NID2: variants seen among roughly 807,000 people sequenced by gnomAD.
NID2 encodes nidogen 2.
A neutral mutation model predicts 145.4 loss-of-function variants in NID2; 83 were observed. That is an observed-to-expected ratio of 0.57 (90% CI 0.48 to 0.69). The LOEUF is 0.69. Ranked by LOEUF, NID2 falls within the 30% of genes least tolerant of loss-of-function variation. NID2 has a pLI of 0.00. For missense variants in NID2, 1,807 were observed against 1,765.7 expected, an observed-to-expected ratio of 1.02 and a Z score of -0.42; for synonymous variants, 739 against 701.3, an observed-to-expected ratio of 1.05 and a Z score of -0.85.
intron 21 of NID2, 117 bp from the exon 22 acceptor site, chr14:52,005,613 T>C: frequency 6.9e-7 from 1 of 1,441,034 alleles, no homozygotes; most frequent in Admixed American, 1.7e-5. Flanking sequence ...TAGTAAAGAC[T>C]GGCCCTCAGG....
rs199521834 is a variant in NID2 at position 52,044,808 on chromosome 14, G to C, written c.1430-1877C>G. Reference sequence around the variant, plus strand: ...TTTTGGTAGGGTGGGTTGGGGGGAGGGGTCTCCCTGCGTTGCCCAGGTTGG... The same window carrying C: ...TTTTGGTAGGGTGGGTTGGGGGGAGCGGTCTCCCTGCGTTGCCCAGGTTGG... On this transcript the variant is annotated intron_variant, in intron 5 of 21. Coordinates refer to ENST00000216286, the MANE Select transcript of NID2 (RefSeq NM_007361.4). Among the ~76,000 whole-genome samples the C allele has an allele frequency of 1.6e-4, 24 of 151,876 alleles. No individual in the cohort carries two copies. In the East Asian group the frequency reaches 4.3e-3, roughly 27 times the overall value.
At chr14:52,067,089 C>T (rs141677740) in intron 2 of NID2, among the ~76,000 whole-genome samples, 3 of 152,272 alleles carry the variant, frequency 2.0e-5, no homozygotes, top group Admixed American at 2.0e-4. Context: ...AATTGCACTT[C>T]CTGGAATGTC....
chr14:52,043,592 C>T (rs1892366162), intron 5 of NID2, among the ~76,000 whole-genome samples: 2 of 152,174 alleles, frequency 1.3e-5, no homozygotes, highest in South Asian at 4.1e-4. Context: ...CACGCAGTAG[C>T]AGACAGCTTG....
intron 8 of NID2, among the ~76,000 whole-genome samples, chr14:52,040,212 A>G (rs1892227385): frequency 6.6e-6 from 1 of 150,726 alleles, no homozygotes; most frequent in African/African-American, 2.4e-5. Flanking sequence ...AAGTGGTGGG[A>G]TTACAGGCAT....
rs768282300 is a variant in NID2, at chr14:52,019,131, A to G, written c.2958T>C (p.Pro986=). 3 of 1,613,998 alleles carry G rather than the reference A, an allele frequency of 1.9e-6. No individual in the cohort carries two copies. In the African/African-American group the frequency reaches 4.0e-5, roughly 22 times the overall value. ...GGGTACCAGGAACTTCATGACCATC[A>G]GGGTCCACGCACCAGCAGAAACCAG... The part of the protein sequence containing the change: ...GSTGFCWCVD[P]DGHEVPGTQT... Residue 986 remains proline, a synonymous_variant, in exon 14 of 22, where the codon CCT becomes CCC. Coordinates refer to ENST00000216286, the MANE Select transcript of NID2 (RefSeq NM_007361.4).
At chr14:52,020,409 A>G in intron 12 of NID2, 1 of 513,264 alleles carries the variant, frequency 1.9e-6, no homozygotes, top group Non-Finnish European at 3.2e-6. Context: ...AAACGTGTTC[A>G]GTGTAGAAAT....
At chr14:52,040,172 C>A (rs1892225997) in intron 8 of NID2, among the ~76,000 whole-genome samples, 1 of 151,828 alleles carries the variant, frequency 6.6e-6, no homozygotes, top group Non-Finnish European at 1.5e-5. Flanking sequence ...AACTCCTGAC[C>A]TCAGGTGATC....
At chr14:52,026,685 GC>G (rs927397778) in intron 12 of NID2, among the ~76,000 whole-genome samples, 5 of 152,156 alleles carry the variant, frequency 3.3e-5, no homozygotes, top group African/African-American at 1.2e-4. Context: ...ATGGTTTGGT[GC>G]TTTTATAAAA....
Position 52,007,898 on chromosome 14 carries a change from G to A in NID2, c.3792C>T (p.Asn1264=). The A allele has an allele frequency of 5.0e-6, 8 of 1,613,740 alleles. No homozygotes were observed. Among genetic ancestry groups the A allele is most frequent in the Non-Finnish European group, 5.9e-6 (7 of 1,179,744 alleles). ...TGTCTGTATTGATCAGAATTCTTCT[G>A]TTTTCTCCATCTAAAGATGACGTTT... ...KIETSSLDGE[N]RRILINTDIG... The change falls in exon 19 of 22, where the codon AAC becomes AAT. Residue 1264 remains asparagine, a synonymous_variant. Coordinates refer to ENST00000216286, the MANE Select transcript of NID2 (RefSeq NM_007361.4).
Position 52,005,426 on chromosome 14 carries a change from C to T in NID2, c.*60G>A. The T allele has an allele frequency of 6.8e-7, 1 of 1,474,150 alleles. No individual in the cohort carries two copies. Among genetic ancestry groups the T allele is most frequent in the Non-Finnish European group, 9.1e-7 (1 of 1,103,998 alleles). 91.3% of individuals were successfully genotyped at this position (1,474,150 alleles called of 1,614,324 possible). A position where few individuals can be genotyped will look rare whatever the true frequency, so the allele number is the denominator to read the frequency against. ...TTTACTTTCTTTGCCTTTGCAGTCA[C>T]TGTTCTTTAGGGTCCAGGTTCTGAT... On this transcript the variant is annotated 3_prime_UTR_variant, in exon 22 of 22. Coordinates refer to ENST00000216286, the MANE Select transcript of NID2 (RefSeq NM_007361.4).
intron 17 of NID2, 23 bp downstream of exon 17, chr14:52,011,531 G>GA: frequency 6.2e-7 from 1 of 1,613,552 alleles, no homozygotes; most frequent in African/African-American, 1.3e-5. Context: ...ATGAAATGCA[G>GA]ACTGCTGAGT....
intron 12 of NID2, among the ~76,000 whole-genome samples, chr14:52,023,350 G>A (rs1595014911): frequency 1.3e-5 from 2 of 151,956 alleles, no homozygotes; most frequent in East Asian, 3.9e-4. Flanking sequence ...GCTACTTGGG[G>A]GGGCTGAGAT....
Position 52,006,577 on chromosome 14 carries a change from C to T in NID2, c.3964G>A (p.Val1322Ile), listed in dbSNP as rs747447045. The T allele has an allele frequency of 1.2e-5, 19 of 1,613,672 alleles. No individual in the cohort carries two copies. The East Asian group carries it at 3.3e-4, about 28-fold the overall frequency. The change falls in exon 20 of 22, where the codon GTA becomes ATA. Residue 1322 changes from valine (V) to isoleucine (I), a missense_variant. Val to Ile is a conservative substitution (Grantham distance 29). Coordinates refer to ENST00000216286, the MANE Select transcript of NID2 (RefSeq NM_007361.4). The stretch of plus-strand genomic sequence containing the variant: ...TGGTAGAAGTGATCTGCATAGCTTA[C>T]GATGCTGAAGGGGTACTTGAGGTTG... The part of the protein sequence containing the change: ...QNNLKYPFSI[V>I]SYADHFYHTD...
chr14:52,040,896 C>G (rs1233037718), intron 7 of NID2, 45 bp from the exon 8 acceptor site: 2 of 1,576,818 alleles, frequency 1.3e-6, no homozygotes, highest in Admixed American at 3.3e-5. Context: ...AGAGGTCTTG[C>G]TTAAACAGTT....
At chr14:52,051,243 T>C (rs80149201) in intron 5 of NID2, among the ~76,000 whole-genome samples, 3 of 152,194 alleles carry the variant, frequency 2.0e-5, no homozygotes, top group African/African-American at 7.2e-5. Context: ...AAATCTTAAT[T>C]TCTTGGTTTA....
Position 52,006,700 on chromosome 14 carries a change from T to C in NID2, c.3881-40A>G, listed in dbSNP as rs773846599. 3.1e-6 allele frequency: 5 copies of C among 1,609,228 alleles called. No individual in the cohort carries two copies. The East Asian group carries it at 6.7e-5, about 22-fold the overall frequency. ...GGGGAAAATGAGGTCCTTCAGCTGC[T>C]TTGCCAAAAATGATAGTGACATAGT... On this transcript the variant is annotated intron_variant, in intron 19 of 21. Transcript: ENST00000216286.
rs535421620 is a variant in NID2, at chr14:52,011,536, C to G, written c.3550+18G>C. The G allele has an allele frequency of 1.2e-6, 2 of 1,613,954 alleles. No individual in the cohort carries two copies. Among genetic ancestry groups the G allele is most frequent in the East Asian group, 4.5e-5 (2 of 44,886 alleles). ...GTAGAATCAAATGAAATGCAGACTG[C>G]TGAGTGAAGCTGCTGACCTGAATTC... On this transcript the variant is annotated intron_variant, in intron 17 of 21. Coordinates refer to ENST00000216286, the MANE Select transcript of NID2 (RefSeq NM_007361.4).
In NID2 at chr14:52,010,962, GCTCT is replaced by G. The variant is rs1566741302; in HGVS notation, c.3632_3635del (p.Glu1211AlafsTer18). 2 of 1,614,076 alleles carry G rather than the reference GCTCT, an allele frequency of 1.2e-6. No individual in the cohort carries two copies. The highest frequency in any genetic ancestry group is 1.3e-5 in the African/African-American group (1 of 75,050). ...TGCGCTCAGAGCCATCCAGCAGGGCGCTCTCTATCTTATCCAGGACACTGTCCGT... is the reference window on the plus strand; with the variant it reads ...TGCGCTCAGAGCCATCCAGCAGGGCGCTATCTTATCCAGGACACTGTCCGT... On this transcript the variant is annotated frameshift_variant, in exon 18 of 22. Coordinates refer to ENST00000216286, the MANE Select transcript of NID2 (RefSeq NM_007361.4). LOFTEE classifies it high-confidence loss of function.
chr14:52,016,604 C>CT (rs1445440357), intron 14 of NID2, among the ~76,000 whole-genome samples: 1 of 152,222 alleles, frequency 6.6e-6, no homozygotes, highest in African/African-American at 2.4e-5. Context: ...ACTGCACCCC[C>CT]TCACCCTGGT....
Sources: allele counts gnomAD v4.1 joint callset (sites outside exome capture counted in the v4.1 genomes callset), GRCh38; gene constraint gnomAD v4.1.1; transcripts MANE v1.5; gene names NCBI Gene and HGNC (gene_info 2026-07-23, HGNC 2026-07-21).